The following FRYL variants were observed in gnomAD, a reference collection of about 807,000 sequenced individuals.
FRYL encodes FRY like transcription coactivator, also known as protein furry homolog-like.
Under a neutral mutation model 351.2 loss-of-function variants are expected in FRYL, and 150 were observed. That is an observed-to-expected ratio of 0.43 (90% confidence interval 0.37 to 0.49). The LOEUF is 0.49. Among genes scored for constraint, FRYL ranks in the 20% least tolerant of loss-of-function variants. FRYL has a pLI of 0.00. For missense variants in FRYL, 3,036 were observed against 3,619.3 expected, an observed-to-expected ratio of 0.84 and a Z score of 4.13; for synonymous variants, 1,153 against 1,257.1, an observed-to-expected ratio of 0.92 and a Z score of 1.75.
chr4:48,778,833 C>T (rs1023387288), intron 1 of FRYL, among the ~76,000 whole-genome samples: 3 of 151,602 alleles, frequency 2.0e-5, no homozygotes, highest in Non-Finnish European at 2.9e-5. Flanking sequence ...ACCCTTTTTC[C>T]CCCCCAATCC....
chr4:48,697,288 A>G (rs919427744), intron 2 of FRYL, among the ~76,000 whole-genome samples: 1 of 152,054 alleles, frequency 6.6e-6, no homozygotes, highest in African/African-American at 2.4e-5. Context: ...TGAGGTTTTG[A>G]CTTATTTGGA....
chr4:48,609,945 T>A (rs1747719476), intron 7 of FRYL, 122 bp from the exon 8 acceptor site: 1 of 472,324 alleles, frequency 2.1e-6, no homozygotes, highest in Non-Finnish European at 3.8e-6. Context: ...TACTAATCTG[T>A]CAATCTTCCT....
intron 1 of FRYL, among the ~76,000 whole-genome samples, chr4:48,729,998 C>A (rs139892856): frequency 1.3e-5 from 2 of 152,050 alleles, no homozygotes; most frequent in Non-Finnish European, 2.9e-5. Flanking sequence ...AAAGGTTAGA[C>A]GAATGGCTAA....
chr4:48,758,151 A>T (rs879448951), intron 1 of FRYL, among the ~76,000 whole-genome samples: 48 of 152,220 alleles, frequency 3.2e-4, no homozygotes, highest in Non-Finnish European at 6.5e-4. Context: ...AACCTAGGCA[A>T]TACCATTCAG....
intron 59 of FRYL, 160 bp from the exon 60 acceptor site, chr4:48,505,775 GAACT>G (rs1230183131): frequency 3.8e-6 from 2 of 528,748 alleles, no homozygotes; most frequent in African/African-American, 3.8e-5. Context: ...CATTTATATG[GAACT>G]AACAAAAGCA....
At chr4:48,526,805 T>C (rs1271890204) in intron 53 of FRYL, among the ~76,000 whole-genome samples, 1 of 152,152 alleles carries the variant, frequency 6.6e-6, no homozygotes, top group Non-Finnish European at 1.5e-5. Context: ...ACTACCAATA[T>C]AATGTAATCC....
Position 48,585,243 on chromosome 4 carries a change from C to T in FRYL, c.1748+1378G>A, listed in dbSNP as rs188225375. Among the ~76,000 whole-genome samples the T allele has an allele frequency of 4.7e-3, 720 of 152,268 alleles. 4 individuals carry two copies. Among genetic ancestry groups the T allele is most frequent in the Non-Finnish European group, 7.6e-3 (520 of 68,022 alleles). On this transcript the variant is annotated intron_variant, in intron 19 of 63. Coordinates refer to ENST00000358350, the MANE Select transcript of FRYL (RefSeq NM_015030.2). ...GGCATGAACTTTGTAACTCTACAAT[C>T]TAATTCACAAAAAAATTAGGAGACT...
In FRYL at chr4:48,497,812, A is replaced by T. The variant is rs1201274243; in HGVS notation, c.*1610T>A. 1 of 152,638 alleles carries T rather than the reference A, an allele frequency of 6.6e-6. No homozygotes were observed. Among genetic ancestry groups the T allele is most frequent in the Non-Finnish European group, 1.5e-5 (1 of 68,040 alleles). 9.5% of individuals were successfully genotyped at this position (152,638 alleles called of 1,614,324 possible). A position where few individuals can be genotyped will look rare whatever the true frequency, so the allele number is the denominator to read the frequency against. ...ATGAATGAGCTGTGACCAGTTACGAAATTTTACTGGAAATGTTTAACTGTG... is the reference window on the plus strand; with the variant it reads ...ATGAATGAGCTGTGACCAGTTACGATATTTTACTGGAAATGTTTAACTGTG... On this transcript the variant is annotated 3_prime_UTR_variant, in exon 64 of 64. Coordinates refer to ENST00000358350, the MANE Select transcript of FRYL (RefSeq NM_015030.2).
chr4:48,665,694 C>T (rs1005820118), intron 3 of FRYL, among the ~76,000 whole-genome samples: 5 of 152,108 alleles, frequency 3.3e-5, no homozygotes, highest in Non-Finnish European at 5.9e-5. Context: ...ATGAATCACC[C>T]ATAGTGTGAA....
Position 48,515,009 on chromosome 4 carries a change from T to G in FRYL, c.7937+19A>C, listed in dbSNP as rs1226412956. 6.2e-7 allele frequency: 1 copy of G among 1,604,040 alleles called. No individual in the cohort carries two copies. Among genetic ancestry groups the G allele is most frequent in the South Asian group, 1.1e-5 (1 of 90,388 alleles). On this transcript the variant is annotated intron_variant, in intron 56 of 63. Coordinates refer to ENST00000358350, the MANE Select transcript of FRYL (RefSeq NM_015030.2). Reference sequence around the variant, plus strand: ...GAGATTATCCCCTCACTACAGTGTTTATGATACTGTATTCTCACCTAGACA... The same window carrying G: ...GAGATTATCCCCTCACTACAGTGTTGATGATACTGTATTCTCACCTAGACA...
intron 1 of FRYL, among the ~76,000 whole-genome samples, chr4:48,729,580 G>A (rs540342328): frequency 2.6e-5 from 4 of 152,278 alleles, no homozygotes; most frequent in African/African-American, 4.8e-5. Flanking sequence ...TACAGCCACC[G>A]CTGGTGAAAC....
At chr4:48,746,333 A>G (rs4235159) in intron 1 of FRYL, among the ~76,000 whole-genome samples, 150,322 of 152,098 alleles carry the variant, frequency 0.99, 74,303 homozygotes, top group South Asian at 1. Flanking sequence ...TTGGGAGGCT[A>G]AGGTGGGCGG....
chr4:48,582,614 A>C lies in FRYL; in HGVS notation c.1869T>G (p.Val623=), dbSNP rs1428969807. 1 of 1,613,858 alleles carries C rather than the reference A, an allele frequency of 6.2e-7. No individual in the cohort carries two copies. The highest frequency in any genetic ancestry group is 1.3e-5 in the African/African-American group (1 of 74,916). Residue 623 remains valine, a synonymous_variant, in exon 20 of 64, where the codon GTT becomes GTG. Coordinates refer to ENST00000358350, the MANE Select transcript of FRYL (RefSeq NM_015030.2). ...TGGGATGGACATCAGTCACTTCACG[A>C]ACAATAAAATAAACAAATCCTGAAA... ...DVLSGFVYFI[V]REVTDVHPTL...
chr4:48,580,867 G>C lies in FRYL; in HGVS notation c.2257C>G (p.Gln753Glu). ...ESFIHLTGAD[Q>E]TTLLYCPSSI... ...TAGAATGAAGTCACTATAGTTACCT[G>C]ATCAGCCCCAGTGAGATGTATGAAG... is the stretch of plus-strand genomic sequence containing the variant. Residue 753 changes from glutamine (Q) to glutamate (E), a missense_variant and splice_region_variant, in exon 22 of 64, where the codon CAG becomes GAG. By Grantham distance (29) the Gln-to-Glu change is conservative. This residue lies in a region of FRYL where 492 missense variants were observed against 551.5 expected (regional missense o/e 0.89). Coordinates refer to ENST00000358350, the MANE Select transcript of FRYL (RefSeq NM_015030.2). 1 of 1,601,924 alleles carries C rather than the reference G, an allele frequency of 6.2e-7. No individual in the cohort carries two copies.
At chr4:48,671,878 A>AC (rs1762806458) in intron 3 of FRYL, among the ~76,000 whole-genome samples, 1 of 147,130 alleles carries the variant, frequency 6.8e-6, no homozygotes, top group Non-Finnish European at 1.5e-5. Flanking sequence ...AAAAACAAAA[A>AC]AAAAAAAAAA....
intron 13 of FRYL, 94 bp downstream of exon 13, chr4:48,601,926 G>A: frequency 1.5e-6 from 1 of 666,234 alleles, no homozygotes. Flanking sequence ...TATACCAATA[G>A]TAACAAAAGT....
intron 62 of FRYL, among the ~76,000 whole-genome samples, chr4:48,501,349 C>G (rs1719607520): frequency 6.6e-6 from 1 of 152,020 alleles, no homozygotes; most frequent in South Asian, 2.1e-4. Flanking sequence ...TGCCACCATC[C>G]CTGGCTTTTA....
intron 1 of FRYL, among the ~76,000 whole-genome samples, chr4:48,778,081 C>T (rs1043093528): frequency 2.1e-4 from 32 of 152,176 alleles, no homozygotes; most frequent in African/African-American, 7.0e-4. Context: ...CCTGTAGTCC[C>T]GGCTACTACG....
At chr4:48,506,729 T>TTTAG (rs1240426047) in intron 59 of FRYL, 1 of 148,020 alleles carries the variant, frequency 6.8e-6, no homozygotes, top group African/African-American at 2.5e-5. Flanking sequence ...CTGAAAGTAT[T>TTTAG]TTAGTATTCG....
Sources: allele counts gnomAD v4.1 joint callset (sites outside exome capture counted in the v4.1 genomes callset), GRCh38; gene constraint gnomAD v4.1.1; regional missense constraint gnomAD v4.1.1; transcripts MANE v1.5; gene names NCBI Gene and HGNC (gene_info 2026-07-23, HGNC 2026-07-21).